SLIT3: variants seen among roughly 807,000 people sequenced by gnomAD.
SLIT3 encodes slit homolog 3 protein.
SLIT3 carries 68 observed loss-of-function variants against 184.0 expected under a neutral mutation model. The observed-to-expected ratio is 0.37, with a 90% CI of 0.30 to 0.45. The LOEUF (loss-of-function observed/expected upper bound fraction) is 0.45, where lower values mean the gene tolerates loss of function less well. Ranked by LOEUF, SLIT3 falls within the 20% of genes least tolerant of loss-of-function variation. The pLI, the probability that SLIT3 is intolerant of heterozygous loss-of-function variation, is 1.00. For missense variants in SLIT3, 1,707 were observed against 2,026.0 expected (o/e 0.84, Z 3.02); for synonymous variants, 831 against 828.6 (o/e 1.00, Z -0.05).
chr5:169,117,186 C>CATAAAGG (rs1760703003), intron 4 of SLIT3, among the ~76,000 whole-genome samples: 1 of 152,120 alleles, frequency 6.6e-6, no homozygotes, highest in Non-Finnish European at 1.5e-5. Context: ...CTGCACTGTC[C>CATAAAGG]TAGGGCACCC....
At chr5:169,295,759 G>T (rs1245710083) in intron 1 of SLIT3, among the ~76,000 whole-genome samples, 1 of 152,288 alleles carries the variant, frequency 6.6e-6, no homozygotes, top group Middle Eastern at 3.4e-3. Context: ...AACAATACTG[G>T]AGAGAAAACA....
rs760715702 is a variant in SLIT3, at chr5:169,046,881, C to T, written c.413+146598G>A. ...CCAGAGCCCTCTCTCCAGGCCTGTG[C>T]CCCTACTCAGCAGCTGGGTGCCTGT... On this transcript the variant is annotated intron_variant, in intron 4 of 35. Transcript: ENST00000519560. Among the ~76,000 whole-genome samples the T allele has an allele frequency of 2.6e-5, 4 of 152,200 alleles. No homozygotes were observed. The South Asian group carries it at 8.3e-4, about 32-fold the overall frequency.
intron 1 of SLIT3, among the ~76,000 whole-genome samples, chr5:169,296,275 T>A (rs765648455): frequency 2.1e-4 from 32 of 152,204 alleles, no homozygotes; most frequent in Non-Finnish European, 4.0e-4. Flanking sequence ...CCAGGCACTG[T>A]TCTAGACACT....
intron 20 of SLIT3, among the ~76,000 whole-genome samples, chr5:168,726,937 G>A (rs1763150736): frequency 1.3e-5 from 2 of 151,904 alleles, no homozygotes; most frequent in Admixed American, 1.3e-4. Context: ...CTTAAACCCA[G>A]GAGGCAGAGG....
At chr5:168,764,283 G>A (rs1027752995) in intron 14 of SLIT3, among the ~76,000 whole-genome samples, 3 of 152,136 alleles carry the variant, frequency 2.0e-5, no homozygotes, top group Admixed American at 1.3e-4. Flanking sequence ...ATACTGAGCC[G>A]GGCACTATTC....
At chr5:169,145,205 G>T (rs297834) in intron 4 of SLIT3, among the ~76,000 whole-genome samples, 59 of 152,208 alleles carry the variant, frequency 3.9e-4, no homozygotes, top group Non-Finnish European at 7.4e-4. Flanking sequence ...AGAATTGCCG[G>T]GCTCTGGAGA....
intron 4 of SLIT3, among the ~76,000 whole-genome samples, chr5:169,132,662 C>T (rs531700691): frequency 4.6e-5 from 7 of 152,240 alleles, no homozygotes; most frequent in South Asian, 2.1e-4. Flanking sequence ...AAGCATGTTC[C>T]GTATCAAGCT....
At chr5:168,980,145 T>C (rs1423090762) in intron 4 of SLIT3, among the ~76,000 whole-genome samples, 1 of 152,000 alleles carries the variant, frequency 6.6e-6, no homozygotes, top group East Asian at 1.9e-4. Flanking sequence ...TAGTAACCAT[T>C]TGTTTGTGGA....
intron 4 of SLIT3, chr5:169,036,254 C>G (rs1304731140): frequency 2.6e-5 from 4 of 152,190 alleles, no homozygotes; most frequent in Admixed American, 2.6e-4. Flanking sequence ...TTTCCTCCTT[C>G]GTGGGATCCA....
At chr5:169,282,716 G>A (rs925674018) in intron 1 of SLIT3, among the ~76,000 whole-genome samples, 1 of 152,184 alleles carries the variant, frequency 6.6e-6, no homozygotes, top group East Asian at 1.9e-4. Context: ...AACAGCAAGC[G>A]ATTCTGGTTC....
chr5:168,769,614 G>A (rs1755473454), intron 14 of SLIT3, among the ~76,000 whole-genome samples: 1 of 152,140 alleles, frequency 6.6e-6, no homozygotes, highest in Non-Finnish European at 1.5e-5. Flanking sequence ...CACCTATGCA[G>A]GGCTCTGTGA....
At chr5:168,749,318 G>A (rs945675424) in intron 19 of SLIT3, among the ~76,000 whole-genome samples, 154 bp downstream of exon 19, 1 of 152,234 alleles carries the variant, frequency 6.6e-6, no homozygotes, top group Non-Finnish European at 1.5e-5. Flanking sequence ...AGCCATGTGG[G>A]CTAGTAGCAG....
chr5:168,735,393 G>GAAA (rs1763401122), intron 20 of SLIT3, among the ~76,000 whole-genome samples: 1 of 152,120 alleles, frequency 6.6e-6, no homozygotes, highest in South Asian at 2.1e-4. Context: ...CTAGAGTCCT[G>GAAA]GAGTGATGTG....
intron 24 of SLIT3, among the ~76,000 whole-genome samples, chr5:168,712,013 A>T (rs1762574856): frequency 6.6e-6 from 1 of 152,262 alleles, no homozygotes; most frequent in Non-Finnish European, 1.5e-5. Context: ...AGAAATAAAT[A>T]GAAAACTTAT....
At chr5:169,171,477 G>A (rs539450582) in intron 4 of SLIT3, among the ~76,000 whole-genome samples, 157 of 152,330 alleles carry the variant, frequency 1.0e-3, no homozygotes, top group African/African-American at 3.7e-3. Context: ...GTGCTTGTGT[G>A]TTTTTCACAA....
At chr5:168,922,235 A>G (rs1761657799) in intron 4 of SLIT3, among the ~76,000 whole-genome samples, 2 of 152,064 alleles carry the variant, frequency 1.3e-5, no homozygotes, top group Admixed American at 6.6e-5. Context: ...AGGCAGGTGG[A>G]TCATGAGGTC....
intron 3 of SLIT3, among the ~76,000 whole-genome samples, chr5:169,223,836 T>C (rs1418537650): frequency 6.6e-6 from 1 of 152,194 alleles, no homozygotes; most frequent in Non-Finnish European, 1.5e-5. Context: ...TAGAAATGCC[T>C]GTGAATCTGT....
In SLIT3 at chr5:169,242,595, GAGA is replaced by G. The variant is rs145013947; in HGVS notation, c.341+2107_341+2109del. ...AAGATTTAAGGAGGGTAAAGTTGAG[GAGA>G]AGAAGAAGACTTTGTCCCTGAGTCT... On this transcript the variant is annotated intron_variant, in intron 3 of 35. Coordinates refer to ENST00000519560, the MANE Select transcript of SLIT3 (RefSeq NM_003062.4). Among the ~76,000 whole-genome samples, 29 of 152,310 alleles carry G rather than the reference GAGA, an allele frequency of 1.9e-4. 1 individual carries two copies. Among genetic ancestry groups the G allele is most frequent in the East Asian group, 1.2e-3 (6 of 5,180 alleles).
intron 9 of SLIT3, among the ~76,000 whole-genome samples, chr5:168,804,634 ACT>A (rs1442066854): frequency 6.6e-6 from 1 of 151,940 alleles, no homozygotes; most frequent in Non-Finnish European, 1.5e-5. Context: ...GGCAGAAAGG[ACT>A]CTTTACTAAC....
Sources: gnomAD v4.1 joint callset for allele counts (sites outside exome capture counted in the v4.1 genomes callset) on GRCh38, gnomAD v4.1.1 for gene constraint, MANE v1.5 for transcripts, NCBI Gene and HGNC (gene_info 2026-07-23, HGNC 2026-07-21) for gene names.